SCHIP1: variants seen among roughly 807,000 people sequenced by gnomAD.
SCHIP1 encodes the protein schwannomin interacting protein 1.
A neutral mutation model predicts 29.7 loss-of-function variants in SCHIP1; 8 were observed. The observed-to-expected ratio is 0.27, with a 90% CI of 0.16 to 0.49. The LOEUF is 0.49. SCHIP1 is among the 20% of genes least tolerant of loss of function. The pLI is 0.99. For synonymous variants in SCHIP1, 76 were observed against 94.9 expected, an observed-to-expected ratio of 0.80 and a Z score of 1.16; for missense variants, 193 against 294.6, an observed-to-expected ratio of 0.66 and a Z score of 2.52.
At chr3:159,715,865 G>T in the SCHIP1 span, among the ~76,000 whole-genome samples, 1 of 152,198 alleles carries the variant, frequency 6.6e-6, no homozygotes, top group East Asian at 1.9e-4. Flanking sequence ...ACCTAGCAAG[G>T]CAGGCCAACA....
At chr3:159,839,966 G>T (rs1744060982) in exon 1 of SCHIP1, 8 of 1,417,426 alleles carry the variant, frequency 5.6e-6, no homozygotes, top group Admixed American at 3.1e-5. Context: ...CACTGGTTTC[G>T]GAGGGCTGGA....
chr3:159,374,991 A>G, the SCHIP1 span, among the ~76,000 whole-genome samples: 1 of 152,338 alleles, frequency 6.6e-6, no homozygotes, highest in East Asian at 1.9e-4. Context: ...TATATGTATT[A>G]CATTTTGAAA....
intron 1 of SCHIP1, among the ~76,000 whole-genome samples, chr3:159,863,603 C>T (rs1714289845): frequency 6.6e-6 from 1 of 152,092 alleles, no homozygotes; most frequent in Non-Finnish European, 1.5e-5. Context: ...ATAATGCACA[C>T]ATATGATAAA....
At chr3:159,896,869 A>C (rs143828621) in exon 7 of SCHIP1, 517 of 1,317,112 alleles carry the variant, frequency 3.9e-4, no homozygotes, top group Non-Finnish European at 4.9e-4. Flanking sequence ...AACAAATATC[A>C]GTGTTAGTCA....
the SCHIP1 span, among the ~76,000 whole-genome samples, chr3:159,543,572 A>G: frequency 9.3e-5 from 14 of 151,344 alleles, no homozygotes; most frequent in Admixed American, 2.0e-4. Context: ...GCTGCATAGT[A>G]TTCCATGGTG....
the SCHIP1 span, among the ~76,000 whole-genome samples, chr3:159,605,671 G>T: frequency 6.6e-6 from 1 of 152,222 alleles, no homozygotes; most frequent in East Asian, 1.9e-4. Context: ...AAACAGCTAC[G>T]TTAAAGTTTG....
chr3:159,341,290 A>AAGCTT, the SCHIP1 span, among the ~76,000 whole-genome samples: 1 of 152,022 alleles, frequency 6.6e-6, no homozygotes, highest in Admixed American at 6.6e-5. Context: ...TAGCAGTTGA[A>AAGCTT]AGCTTAGAGT....
At position 159,840,102 on chromosome 3, in the gene SCHIP1, C is replaced by T. The variant is rs1261341124; in HGVS notation, c.-83C>T. The T allele has an allele frequency of 2.0e-6, 3 of 1,528,048 alleles. No individual in the cohort carries two copies. In the African/African-American group the frequency reaches 4.1e-5, roughly 21 times the overall value. 94.7% of individuals were successfully genotyped at this position (1,528,048 alleles called of 1,614,324 possible). On this transcript the variant is annotated 5_prime_UTR_variant, in exon 1 of 7. Coordinates refer to ENST00000445224, the Ensembl canonical transcript of SCHIP1. ...TGCCTTACCAGGGCGTTCTCTCCGC[C>T]CGCCGGTGGATGCTCCGCGCCTGCC...
At chr3:159,865,911 G>A (rs1325479237) in intron 1 of SCHIP1, among the ~76,000 whole-genome samples, 1 of 152,186 alleles carries the variant, frequency 6.6e-6, no homozygotes, top group African/African-American at 2.4e-5. Flanking sequence ...TTCTATCCTC[G>A]TGAAAATCAT....
the SCHIP1 span, among the ~76,000 whole-genome samples, chr3:159,654,215 A>T: frequency 1.3e-4 from 20 of 152,238 alleles, no homozygotes; most frequent in African/African-American, 4.8e-4. Flanking sequence ...GTAGAATTTT[A>T]ACATTAATAA....
chr3:159,783,929 A>G, the SCHIP1 span, among the ~76,000 whole-genome samples: 1 of 152,204 alleles, frequency 6.6e-6, no homozygotes, highest in South Asian at 2.1e-4. Context: ...CCAGGTGCCA[A>G]CAGAAAGTCA....
the SCHIP1 span, among the ~76,000 whole-genome samples, chr3:159,446,905 A>G: frequency 7.9e-5 from 12 of 152,344 alleles, no homozygotes; most frequent in South Asian, 2.5e-3. Flanking sequence ...ATGGTTCTCT[A>G]TAGATGAGGG....
the SCHIP1 span, among the ~76,000 whole-genome samples, chr3:159,327,836 G>T: frequency 6.6e-6 from 1 of 152,156 alleles, no homozygotes; most frequent in Non-Finnish European, 1.5e-5. Flanking sequence ...GGTCAGAAAG[G>T]GTTCCAAGAC....
At chr3:159,772,454 T>C in the SCHIP1 span, among the ~76,000 whole-genome samples, 1 of 152,164 alleles carries the variant, frequency 6.6e-6, no homozygotes, top group Non-Finnish European at 1.5e-5. Flanking sequence ...ATAACTACTT[T>C]TATCTTGAAT....
chr3:159,878,529 A>C (rs916633692), intron 2 of SCHIP1, among the ~76,000 whole-genome samples: 1 of 151,976 alleles, frequency 6.6e-6, no homozygotes, highest in Non-Finnish European at 1.5e-5. Context: ...CTGTAATCCC[A>C]GCACTTTGGG....
At chr3:159,570,645 C>T in the SCHIP1 span, among the ~76,000 whole-genome samples, 11 of 152,092 alleles carry the variant, frequency 7.2e-5, no homozygotes, top group Middle Eastern at 3.4e-3. Flanking sequence ...TTTGGTTCCA[C>T]GTGAACTTTA....
the SCHIP1 span, among the ~76,000 whole-genome samples, chr3:159,597,163 C>A: frequency 3.3e-5 from 5 of 151,872 alleles, no homozygotes; most frequent in Non-Finnish European, 7.4e-5. Flanking sequence ...TTGTGAAAAT[C>A]AAATGGCATA....
chr3:159,542,103 G>A, the SCHIP1 span, among the ~76,000 whole-genome samples: 4 of 152,112 alleles, frequency 2.6e-5, no homozygotes, highest in South Asian at 6.2e-4. Flanking sequence ...GTGTATCAAA[G>A]CTTTGTTAAT....
the SCHIP1 span, among the ~76,000 whole-genome samples, chr3:159,704,417 TAAAAAAAAA>T: frequency 0.012 from 1,103 of 92,670 alleles, 15 homozygotes; most frequent in Admixed American, 0.042. Flanking sequence ...CAATTTTTTC[TAAAAAAAAA>T]AAAAAAAAAA....
Sources: allele counts gnomAD v4.1 joint callset (sites outside exome capture counted in the v4.1 genomes callset), GRCh38; gene constraint gnomAD v4.1.1; transcripts MANE v1.5; gene names NCBI Gene and HGNC (gene_info 2026-07-23, HGNC 2026-07-21).